The following HACE1 variants were observed in gnomAD, a reference collection of about 807,000 sequenced individuals.
HACE1 encodes the protein E3 ubiquitin-protein ligase HACE1.
HACE1 carries 73 observed loss-of-function variants against 118.4 expected under a neutral mutation model. The ratio of observed to expected loss-of-function variants is 0.62; its 90% CI spans 0.51 to 0.75. The LOEUF (loss-of-function observed/expected upper bound fraction) is 0.75, where lower values mean the gene tolerates loss of function less well. Ranked by LOEUF, HACE1 falls within the 30% of genes least tolerant of loss-of-function variation. The pLI is 0.00. For missense variants in HACE1, 749 were observed against 1,102.2 expected (o/e 0.68, Z 4.54); for synonymous variants, 368 against 374.8 (o/e 0.98, Z 0.21).
At position 104,825,729 on chromosome 6, in the gene HACE1, C is replaced by T. The variant is rs545082294; in HGVS notation, c.534+7313G>A. On this transcript the variant is annotated intron_variant, in intron 6 of 23. Coordinates refer to ENST00000262903, the MANE Select transcript of HACE1 (RefSeq NM_020771.4). ...CCCCAGAAGATTCTGTATCCAGAAC[C>T]TTGAGCAGCTGCTGGGGCCAATTCC... is the stretch of plus-strand genomic sequence containing the variant. 3.9e-5 allele frequency among the ~76,000 whole-genome samples: 6 copies of T among 152,286 alleles called. No individual in the cohort carries two copies. The South Asian group carries it at 8.3e-4, about 21-fold the overall frequency.
intron 3 of HACE1, among the ~76,000 whole-genome samples, chr6:104,849,896 C>G (rs992154989): frequency 6.6e-6 from 1 of 150,922 alleles, no homozygotes; most frequent in Non-Finnish European, 1.5e-5. Flanking sequence ...AAGATCCGCC[C>G]GCCTCGGCCT....
chr6:104,831,786 G>A (rs1357150367), intron 6 of HACE1, among the ~76,000 whole-genome samples: 5 of 147,356 alleles, frequency 3.4e-5, no homozygotes, highest in African/African-American at 7.5e-5. Flanking sequence ...CCAGCCACTC[G>A]GGAGGCTGAG....
At chr6:104,846,163 C>T (rs1288466640) in intron 4 of HACE1, among the ~76,000 whole-genome samples, 1 of 152,180 alleles carries the variant, frequency 6.6e-6, no homozygotes, top group Non-Finnish European at 1.5e-5. Context: ...TATATCCTAT[C>T]TTTCTATTGA....
intron 1 of HACE1, among the ~76,000 whole-genome samples, chr6:104,853,183 G>T (rs1448654753): frequency 1.3e-5 from 2 of 152,148 alleles, no homozygotes; most frequent in Non-Finnish European, 2.9e-5. Flanking sequence ...TCACCGTTCT[G>T]CCTTCCACCA....
At chr6:104,826,305 C>CA (rs924118504) in intron 6 of HACE1, among the ~76,000 whole-genome samples, 9 of 152,002 alleles carry the variant, frequency 5.9e-5, no homozygotes, top group African/African-American at 1.7e-4. Context: ...ACAAAACAGA[C>CA]AAAAAAACCT....
intron 5 of HACE1, among the ~76,000 whole-genome samples, chr6:104,838,249 A>G (rs2499659): frequency 6.6e-6 from 1 of 151,994 alleles, no homozygotes; most frequent in East Asian, 1.9e-4. Flanking sequence ...AGAATAGCAA[A>G]AGCCATCCTG....
At position 104,859,547 on chromosome 6, in the gene HACE1, G is replaced by T; in HGVS notation, c.76+20C>A. ...CCGCCCCCAGCCCCGCGGCCAGCCTGGCCCCGCGACCCGGCTCACCCTCGG... is the reference window on the plus strand; with the variant it reads ...CCGCCCCCAGCCCCGCGGCCAGCCTTGCCCCGCGACCCGGCTCACCCTCGG... On this transcript the variant is annotated intron_variant, in intron 1 of 23. Transcript: ENST00000262903. 6.6e-7 allele frequency: 1 copy of T among 1,507,856 alleles called. No individual in the cohort carries two copies. Among genetic ancestry groups the T allele is most frequent in the Non-Finnish European group, 8.8e-7 (1 of 1,132,970 alleles). The allele number at this position is 1,507,856 out of a possible 1,614,324, so 93.4% of individuals were successfully genotyped here. A position where few individuals can be genotyped will look rare whatever the true frequency, so the allele number is the denominator to read the frequency against.
chr6:104,806,647 T>TA (rs555796926), intron 7 of HACE1, among the ~76,000 whole-genome samples: 6 of 152,006 alleles, frequency 3.9e-5, no homozygotes, highest in Non-Finnish European at 8.8e-5. Flanking sequence ...TTTAAATAAC[T>TA]AAAAAAAATT....
chr6:104,809,974 T>C (rs551530610), intron 7 of HACE1, among the ~76,000 whole-genome samples: 1 of 151,890 alleles, frequency 6.6e-6, no homozygotes, highest in South Asian at 2.1e-4. Flanking sequence ...GGGGGAAAGG[T>C]TTGAGGAAGA....
At chr6:104,794,842 T>G (rs1489921415) in intron 10 of HACE1, among the ~76,000 whole-genome samples, 2 of 151,854 alleles carry the variant, frequency 1.3e-5, no homozygotes, top group African/African-American at 4.8e-5. Context: ...GAGGTGGAGG[T>G]TGCAGTGAGC....
chr6:104,748,769 T>C (rs540809296), intron 20 of HACE1, among the ~76,000 whole-genome samples: 16 of 152,238 alleles, frequency 1.1e-4, no homozygotes, highest in Non-Finnish European at 2.1e-4. Context: ...TATGTATGAT[T>C]CCCACAAACA....
chr6:104,745,068 T>C (rs1777260980), intron 20 of HACE1, among the ~76,000 whole-genome samples: 1 of 152,124 alleles, frequency 6.6e-6, no homozygotes, highest in African/African-American at 2.4e-5. Flanking sequence ...GAAATCATTA[T>C]CATGAGGAAA....
chr6:104,855,055 A>G (rs1776583668), intron 1 of HACE1, among the ~76,000 whole-genome samples: 1 of 152,236 alleles, frequency 6.6e-6, no homozygotes, highest in African/African-American at 2.4e-5. Flanking sequence ...AGTAGGTACT[A>G]TTATCCTCAT....
In HACE1 at chr6:104,776,769, A is replaced by G; in HGVS notation, c.1836T>C (p.Asp612=). The G allele has an allele frequency of 6.2e-7, 1 of 1,606,878 alleles. No individual in the cohort carries two copies. The highest frequency in any genetic ancestry group is 1.7e-5 in the Admixed American group (1 of 60,018). The change falls in exon 17 of 24, where the codon GAT becomes GAC. Residue 612 remains aspartate, a synonymous_variant. Transcript: ENST00000262903. The stretch of plus-strand genomic sequence containing the variant: ...CAGCTGACTGGGTAAACAATGCATA[A>G]TCAGGATTGACTATCTCATTGGACA... ...DILSNEIVNP[D]YALFTQSADG... is the part of the protein sequence containing the mutation.
intron 5 of HACE1, among the ~76,000 whole-genome samples, chr6:104,841,779 C>T (rs1482765342): frequency 1.3e-5 from 2 of 151,906 alleles, no homozygotes; most frequent in African/African-American, 4.8e-5. Context: ...ATAAATAAAA[C>T]TTAACATTTT....
intron 6 of HACE1, among the ~76,000 whole-genome samples, chr6:104,826,201 C>G (rs1453222188): frequency 6.6e-6 from 1 of 152,176 alleles, no homozygotes; most frequent in Admixed American, 6.5e-5. Flanking sequence ...AACTTGTCTT[C>G]CATGAAACTG....
At chr6:104,796,881 G>T (rs774929498) in intron 8 of HACE1, 48 bp downstream of exon 8, 3 of 1,186,210 alleles carry the variant, frequency 2.5e-6, no homozygotes, top group Non-Finnish European at 3.8e-6. Context: ...TACCATTCCA[G>T]TTTCTATTAT....
At chr6:104,832,819 A>G (rs1352189673) in intron 6 of HACE1, among the ~76,000 whole-genome samples, 2 of 152,032 alleles carry the variant, frequency 1.3e-5, no homozygotes, top group Non-Finnish European at 2.9e-5. Flanking sequence ...GGATCATTTG[A>G]GCCCAGGAGT....
chr6:104,837,641 C>T (rs375102337), intron 5 of HACE1, among the ~76,000 whole-genome samples: 107 of 152,280 alleles, frequency 7.0e-4, no homozygotes, highest in African/African-American at 2.3e-3. Flanking sequence ...ATCAATTTGA[C>T]TTCAAAGTTA....
Sources: allele counts gnomAD v4.1 joint callset (sites outside exome capture counted in the v4.1 genomes callset), GRCh38; gene constraint gnomAD v4.1.1; transcripts MANE v1.5; gene names NCBI Gene and HGNC (gene_info 2026-07-23, HGNC 2026-07-21).